IQGAP2: variants seen among roughly 807,000 people sequenced by gnomAD.
IQGAP2 encodes the protein ras GTPase-activating-like protein IQGAP2.
A neutral mutation model predicts 201.3 loss-of-function variants in IQGAP2; 173 were observed. The ratio of observed to expected loss-of-function variants is 0.86; its 90% CI spans 0.76 to 0.98. The LOEUF is 0.98. IQGAP2 is among the 50% of genes least tolerant of loss of function. IQGAP2 has a pLI of 0.00. For missense variants in IQGAP2, 1,687 were observed against 1,864.8 expected (o/e 0.90, Z 1.76); for synonymous variants, 675 against 673.9 (o/e 1.00, Z -0.03).
At chr5:76,467,495 G>T (rs1348360304) in intron 2 of IQGAP2, among the ~76,000 whole-genome samples, 1 of 152,172 alleles carries the variant, frequency 6.6e-6, no homozygotes, top group Non-Finnish European at 1.5e-5. Flanking sequence ...AATAACAAAT[G>T]TTAGTGAGGA....
intron 27 of IQGAP2, 50 bp from the exon 28 acceptor site, chr5:76,677,168 T>A: frequency 6.4e-7 from 1 of 1,563,688 alleles, no homozygotes. Context: ...GATGAAACTG[T>A]TTAATGCACA....
chr5:76,698,979 G>A (rs1173638675), intron 33 of IQGAP2, among the ~76,000 whole-genome samples: 2 of 152,158 alleles, frequency 1.3e-5, no homozygotes, highest in East Asian at 3.9e-4. Context: ...TAGTTTTTGT[G>A]ATAAGAACAC....
At chr5:76,633,618 C>A (rs541020720) in intron 15 of IQGAP2, among the ~76,000 whole-genome samples, 1 of 152,140 alleles carries the variant, frequency 6.6e-6, no homozygotes, top group African/African-American at 2.4e-5. Context: ...CAAGGTTGTA[C>A]ATCCAACACC....
rs536727477 is a variant in IQGAP2 at position 76,463,567 on chromosome 5, C to T, written c.146+1898C>T. ...GTGATAACATAAGCAAAGTTTTCTC[C>T]TCAGTATATTGAAATGGTATAAATG... On this transcript the variant is annotated intron_variant, in intron 2 of 35. Coordinates refer to ENST00000274364, the MANE Select transcript of IQGAP2 (RefSeq NM_006633.5). 5.3e-5 allele frequency among the ~76,000 whole-genome samples: 8 copies of T among 152,316 alleles called. 2 individuals are homozygous for T. The highest frequency in any genetic ancestry group is 1.9e-4 in the African/African-American group (8 of 41,566).
chr5:76,422,417 C>T (rs1423057807), intron 1 of IQGAP2, among the ~76,000 whole-genome samples: 1 of 152,224 alleles, frequency 6.6e-6, no homozygotes, highest in African/African-American at 2.4e-5. Flanking sequence ...GCTGATCATT[C>T]TTCCACTCCT....
chr5:76,677,045 T>G, intron 27 of IQGAP2, 173 bp from the exon 28 acceptor site: 1 of 584,442 alleles, frequency 1.7e-6, no homozygotes, highest in Non-Finnish European at 3.0e-6. Context: ...TCCAGAAACA[T>G]GGATGCAGCT....
At chr5:76,634,170 T>C (rs1374791083) in intron 15 of IQGAP2, among the ~76,000 whole-genome samples, 1 of 152,160 alleles carries the variant, frequency 6.6e-6, no homozygotes, top group Non-Finnish European at 1.5e-5. Flanking sequence ...CACATTAATT[T>C]ATATATGGTC....
chr5:76,552,017 C>G (rs1445692114), intron 2 of IQGAP2, among the ~76,000 whole-genome samples: 1 of 152,112 alleles, frequency 6.6e-6, no homozygotes, highest in East Asian at 1.9e-4. Context: ...AGAGCCTCAC[C>G]CTTTGAAATG....
At position 76,515,190 on chromosome 5, in the gene IQGAP2, A is replaced by C. The variant is rs1361019006; in HGVS notation, c.147-47206A>C. Among the ~76,000 whole-genome samples, 11 of 152,256 alleles carry C rather than the reference A, an allele frequency of 7.2e-5. 1 individual carries two copies. The highest frequency in any genetic ancestry group is 6.5e-4 in the Admixed American group (10 of 15,286). The stretch of plus-strand genomic sequence containing the variant: ...TGCAAAAGAAGGGCACGTACTTATC[A>C]TGCTTCTTCACATGCTTACCATGCT... On this transcript the variant is annotated intron_variant, in intron 2 of 35. Coordinates refer to ENST00000274364, the MANE Select transcript of IQGAP2 (RefSeq NM_006633.5).
At chr5:76,590,382 T>C (rs1458155922) in intron 7 of IQGAP2, 26 bp from the exon 8 acceptor site, 1 of 1,556,566 alleles carries the variant, frequency 6.4e-7, no homozygotes. Context: ...TAAAAACCTT[T>C]TTCTCTCTCT....
intron 2 of IQGAP2, among the ~76,000 whole-genome samples, chr5:76,485,745 C>A (rs1161525726): frequency 6.6e-6 from 1 of 152,194 alleles, no homozygotes. Flanking sequence ...GGCACTCATT[C>A]TGTACAGCCC....
rs777399097 is a variant in IQGAP2, at chr5:76,674,726, G to T, written c.3527+17G>T. ...GGAATTCAGGTGAGAGGGGCCCTTA[G>T]TTTTGGAGAAACGTGCAAGAATGGT... On this transcript the variant is annotated intron_variant, in intron 27 of 35. Transcript: ENST00000274364. 1 of 1,555,270 alleles carries T rather than the reference G, an allele frequency of 6.4e-7. No homozygotes were observed. Among genetic ancestry groups the T allele is most frequent in the Non-Finnish European group, 8.9e-7 (1 of 1,126,904 alleles).
chr5:76,578,048 T>C (rs1270354791), intron 5 of IQGAP2, among the ~76,000 whole-genome samples: 3 of 152,182 alleles, frequency 2.0e-5, no homozygotes, highest in Non-Finnish European at 4.4e-5. Context: ...TTGTCTCCTA[T>C]TCCCTGTCAT....
At chr5:76,593,889 T>A (rs922341860) in intron 9 of IQGAP2, among the ~76,000 whole-genome samples, 9 of 152,212 alleles carry the variant, frequency 5.9e-5, no homozygotes, top group African/African-American at 2.2e-4. Flanking sequence ...ACGGTGTTAC[T>A]AAGAAGTCTG....
chr5:76,614,143 C>T (rs1443382995), intron 13 of IQGAP2, among the ~76,000 whole-genome samples: 1 of 152,180 alleles, frequency 6.6e-6, no homozygotes, highest in Non-Finnish European at 1.5e-5. Flanking sequence ...AAACCCAAGG[C>T]CTTTCATAGG....
At chr5:76,530,619 C>T (rs922684077) in intron 2 of IQGAP2, among the ~76,000 whole-genome samples, 5 of 139,170 alleles carry the variant, frequency 3.6e-5, no homozygotes, top group Non-Finnish European at 7.6e-5. Context: ...TATGTACGTG[C>T]ACATGCACAC....
intron 2 of IQGAP2, among the ~76,000 whole-genome samples, chr5:76,482,453 T>C (rs1333310864): frequency 1.3e-5 from 2 of 152,194 alleles, no homozygotes; most frequent in Admixed American, 1.3e-4. Flanking sequence ...TTTAGAGTCA[T>C]TGGAATTAAA....
intron 17 of IQGAP2, 64 bp downstream of exon 17, chr5:76,641,167 A>G: frequency 7.9e-7 from 1 of 1,270,934 alleles, no homozygotes; most frequent in East Asian, 2.4e-5. Flanking sequence ...GTTTTATTTG[A>G]TAATAGAATA....
At chr5:76,591,073 G>A (rs967322547) in intron 8 of IQGAP2, among the ~76,000 whole-genome samples, 2 of 152,094 alleles carry the variant, frequency 1.3e-5, no homozygotes, top group South Asian at 2.1e-4. Flanking sequence ...CTCCAGCCTG[G>A]GCAACAGACT....
Sources: allele counts gnomAD v4.1 joint callset (sites outside exome capture counted in the v4.1 genomes callset), GRCh38; gene constraint gnomAD v4.1.1; transcripts MANE v1.5; gene names NCBI Gene and HGNC (gene_info 2026-07-23, HGNC 2026-07-21).